Variants in CUX2 observed in about 807,000 individuals in gnomAD.
CUX2 encodes the protein homeobox protein cut-like 2.
In CUX2, 40 loss-of-function variants were observed where a neutral mutation model predicts 144.8. That is an observed-to-expected ratio of 0.28 (90% CI 0.21 to 0.36). The LOEUF (loss-of-function observed/expected upper bound fraction) is 0.36, where lower values mean the gene tolerates loss of function less well. Among genes scored for constraint, CUX2 ranks in the 10% least tolerant of loss-of-function variants. CUX2 has a pLI of 1.00. For synonymous variants in CUX2, 827 were observed against 875.6 expected, an observed-to-expected ratio of 0.94 and a Z score of 0.98; for missense variants, 1,615 against 1,994.0, an observed-to-expected ratio of 0.81 and a Z score of 3.62.
chr12:111,275,181 G>T (rs1172674274), intron 4 of CUX2, among the ~76,000 whole-genome samples: 1 of 152,186 alleles, frequency 6.6e-6, no homozygotes, highest in Non-Finnish European at 1.5e-5. Context: ...AGGTTGATGT[G>T]TGTCGGACAA....
At chr12:111,340,132 G>A (rs1161263497) in intron 20 of CUX2, among the ~76,000 whole-genome samples, 1 of 152,162 alleles carries the variant, frequency 6.6e-6, no homozygotes, top group Non-Finnish European at 1.5e-5. Context: ...GGAGGTGGAG[G>A]TTGCAGTGAG....
At chr12:111,177,844 C>T (rs920786026) in intron 1 of CUX2, among the ~76,000 whole-genome samples, 18 of 152,242 alleles carry the variant, frequency 1.2e-4, no homozygotes, top group Admixed American at 1.2e-3. Flanking sequence ...GTGACGATAC[C>T]TCTGTGGACC....
At chr12:111,288,030 T>C (rs559090409) in intron 4 of CUX2, among the ~76,000 whole-genome samples, 54 of 152,302 alleles carry the variant, frequency 3.5e-4, no homozygotes, top group Non-Finnish European at 3.8e-4. Flanking sequence ...CAAATAAACA[T>C]GCATTAGAAC....
At position 111,112,256 on chromosome 12, in the gene CUX2, T is replaced by C. The variant is rs139343670; in HGVS notation, c.63+78016T>C. Among the ~76,000 whole-genome samples, 414 of 152,280 alleles carry C rather than the reference T, an allele frequency of 2.7e-3. 2 individuals carry two copies. Among genetic ancestry groups the C allele is most frequent in the Middle Eastern group, 0.01 (3 of 294 alleles). On this transcript the variant is annotated intron_variant, in intron 1 of 21. Transcript: ENST00000261726. ...TGGGTGGGTGGGTTTTATGCTCTGT[T>C]TGGTAATAAAGATTGCTGCAGAAAG...
chr12:111,153,955 A>G (rs1391744617), intron 1 of CUX2, among the ~76,000 whole-genome samples: 2 of 152,020 alleles, frequency 1.3e-5, no homozygotes, highest in Non-Finnish European at 2.9e-5. Context: ...CTTCACGTTC[A>G]TTTCTTCTGT....
intron 1 of CUX2, among the ~76,000 whole-genome samples, chr12:111,082,936 AG>A (rs949792342): frequency 6.6e-6 from 1 of 152,182 alleles, no homozygotes; most frequent in African/African-American, 2.4e-5. Context: ...TTTGAGCAGG[AG>A]GAGGAGGTGT....
intron 1 of CUX2, among the ~76,000 whole-genome samples, chr12:111,051,008 A>C (rs1386512719): frequency 6.6e-6 from 1 of 152,190 alleles, no homozygotes; most frequent in East Asian, 1.9e-4. Flanking sequence ...GAGGACTTGG[A>C]ATGTTTCCAG....
At chr12:111,137,656 G>T (rs1875994435) in intron 1 of CUX2, among the ~76,000 whole-genome samples, 1 of 152,068 alleles carries the variant, frequency 6.6e-6, no homozygotes, top group South Asian at 2.1e-4. Context: ...TGGAACTCCA[G>T]GTGCATGCCA....
At chr12:111,107,187 G>C (rs1873664008) in intron 1 of CUX2, among the ~76,000 whole-genome samples, 1 of 152,176 alleles carries the variant, frequency 6.6e-6, no homozygotes, top group African/African-American at 2.4e-5. Context: ...ACAGTTTTTG[G>C]TGACAGTGGG....
intron 1 of CUX2, among the ~76,000 whole-genome samples, chr12:111,203,279 G>A (rs1880720201): frequency 6.7e-6 from 1 of 149,726 alleles, no homozygotes; most frequent in South Asian, 2.1e-4. Flanking sequence ...GTGCAGTAGT[G>A]CACTCCTGTA....
At chr12:111,113,554 T>C (rs1007784087) in intron 1 of CUX2, among the ~76,000 whole-genome samples, 1 of 151,830 alleles carries the variant, frequency 6.6e-6, no homozygotes, top group African/African-American at 2.4e-5. Flanking sequence ...AATTAATTAA[T>C]TTTTTATTTT....
At chr12:111,060,264 C>A (rs913141472) in intron 1 of CUX2, among the ~76,000 whole-genome samples, 1 of 152,236 alleles carries the variant, frequency 6.6e-6, no homozygotes. Context: ...CCAAATCCCC[C>A]AGCCAGGGTT....
chr12:111,262,606 T>G (rs1385445520), intron 3 of CUX2, among the ~76,000 whole-genome samples: 7 of 152,118 alleles, frequency 4.6e-5, no homozygotes, highest in Non-Finnish European at 8.8e-5. Context: ...TTCGAACTCC[T>G]GAGCTCAAAC....
chr12:111,294,904 G>GA (rs964172116), intron 6 of CUX2, among the ~76,000 whole-genome samples: 4 of 149,724 alleles, frequency 2.7e-5, no homozygotes, highest in African/African-American at 4.9e-5. Flanking sequence ...TCTCAAAAAA[G>GA]AAAAAAAAAG....
chr12:111,278,245 C>T (rs1321131147), intron 4 of CUX2, among the ~76,000 whole-genome samples: 1 of 152,164 alleles, frequency 6.6e-6, no homozygotes, highest in Non-Finnish European at 1.5e-5. Context: ...AGTAAGACCC[C>T]ATCTCTACAA....
intron 1 of CUX2, among the ~76,000 whole-genome samples, chr12:111,143,974 C>G (rs4766446): frequency 0.22 from 34,102 of 152,138 alleles, 9,137 homozygotes; most frequent in African/African-American, 0.65. Context: ...TCAAGCCTCT[C>G]CTCTGAAGTG....
At chr12:111,215,966 G>A (rs1881505602) in intron 2 of CUX2, among the ~76,000 whole-genome samples, 1 of 152,196 alleles carries the variant, frequency 6.6e-6, no homozygotes. Flanking sequence ...TTATAGTCGT[G>A]CCTCTGAAAA....
At chr12:111,159,965 CAGTG>C (rs1235639402) in intron 1 of CUX2, among the ~76,000 whole-genome samples, 1 of 152,184 alleles carries the variant, frequency 6.6e-6, no homozygotes, top group African/African-American at 2.4e-5. Flanking sequence ...GCAGAGGTTT[CAGTG>C]AGCCGAGATT....
At position 111,291,483 on chromosome 12, in the gene CUX2, C is replaced by T. The variant is rs1450054535; in HGVS notation, c.367C>T (p.Pro123Ser). The change falls in exon 5 of 22, where the codon CCC (proline) becomes TCC (serine). Residue 123 changes from proline (P) to serine (S), a missense_variant. Transcript: ENST00000261726. The stretch of plus-strand genomic sequence containing the variant: ...CAGACTGCAGCCCCCCAGCTTTGAC[C>T]CCAGTGGGCAGCCCCGGCGAGACCT... ...DDRLQPPSFD[P>S]SGQPRRDLHT... 1 of 1,612,174 alleles carries T rather than the reference C, an allele frequency of 6.2e-7. No homozygotes were observed. Among genetic ancestry groups the T allele is most frequent in the Non-Finnish European group, 8.5e-7 (1 of 1,179,186 alleles).
Sources: gnomAD v4.1 joint callset for allele counts (sites outside exome capture counted in the v4.1 genomes callset) on GRCh38, gnomAD v4.1.1 for gene constraint, MANE v1.5 for transcripts, NCBI Gene and HGNC (gene_info 2026-07-23, HGNC 2026-07-21) for gene names.